SRGAP1: variants seen among roughly 807,000 people sequenced by gnomAD.
The protein encoded by SRGAP1 is SLIT-ROBO Rho GTPase-activating protein 1.
A neutral mutation model predicts 121.9 loss-of-function variants in SRGAP1; 43 were observed. That is an observed-to-expected ratio of 0.35 (90% CI 0.28 to 0.46). SRGAP1 has a LOEUF of 0.46. Ranked by LOEUF, SRGAP1 falls within the 20% of genes least tolerant of loss-of-function variation. The probability of loss-of-function intolerance (pLI) is 1.00; values close to 1 mark genes in which losing one functional copy is unlikely to be tolerated. For synonymous variants in SRGAP1, 447 were observed against 485.4 expected (o/e 0.92, Z 1.04); for missense variants, 1,102 against 1,350.9 (o/e 0.82, Z 2.89).
At chr12:63,856,055 T>G (rs1899237096) in intron 1 of SRGAP1, among the ~76,000 whole-genome samples, 1 of 151,828 alleles carries the variant, frequency 6.6e-6, no homozygotes. Flanking sequence ...GTCAGGAATT[T>G]GAGATCAGCC....
intron 1 of SRGAP1, among the ~76,000 whole-genome samples, chr12:63,944,068 T>C (rs1461308026): frequency 6.6e-6 from 1 of 152,168 alleles, no homozygotes; most frequent in Non-Finnish European, 1.5e-5. Context: ...GTAGCAAGCA[T>C]TTGTCTCATT....
chr12:64,069,985 C>T (rs868543503), intron 8 of SRGAP1, among the ~76,000 whole-genome samples: 21 of 152,320 alleles, frequency 1.4e-4, no homozygotes, highest in African/African-American at 4.8e-4. Context: ...AATCTTCCCA[C>T]CTTGGCCTCC....
Position 63,919,658 on chromosome 12 carries a change from A to T in SRGAP1, c.68-64289A>T, listed in dbSNP as rs557697207. On this transcript the variant is annotated intron_variant, in intron 1 of 21. Coordinates refer to ENST00000355086, the MANE Select transcript of SRGAP1 (RefSeq NM_020762.4). ...ATCTGTGCTCTGCCCCATCCCATAT[A>T]CCTGCCTATCTTTTGAAGCAACTAC... is the stretch of plus-strand genomic sequence containing the variant. Among the ~76,000 whole-genome samples the T allele has an allele frequency of 4.0e-5, 6 of 151,896 alleles. No individual in the cohort carries two copies. In the South Asian group the frequency reaches 1.3e-3, roughly 32 times the overall value.
chr12:64,112,888 G>A (rs747807475), intron 17 of SRGAP1, among the ~76,000 whole-genome samples: 1 of 152,106 alleles, frequency 6.6e-6, no homozygotes, highest in East Asian at 1.9e-4. Flanking sequence ...AGGCTAGGAA[G>A]GGAAGGGGAA....
chr12:63,887,260 C>T (rs2136292653), intron 1 of SRGAP1: 1 of 152,308 alleles, frequency 6.6e-6, no homozygotes, highest in East Asian at 1.9e-4. Flanking sequence ...ATGGGGTTGT[C>T]CAGGGAAAAT....
At chr12:63,963,601 G>A (rs903422314) in intron 1 of SRGAP1, among the ~76,000 whole-genome samples, 4 of 152,096 alleles carry the variant, frequency 2.6e-5, no homozygotes, top group African/African-American at 9.7e-5. Flanking sequence ...ATTGTTAACT[G>A]TAGTCACCTG....
chr12:64,122,382 A>G (rs1183076212), intron 18 of SRGAP1, among the ~76,000 whole-genome samples: 2 of 152,230 alleles, frequency 1.3e-5, no homozygotes, highest in Non-Finnish European at 2.9e-5. Flanking sequence ...TTGCTCTGCA[A>G]TGACCAGACT....
In SRGAP1 at chr12:64,065,297, A is replaced by G. The variant is rs995108093; in HGVS notation, c.1125+78A>G. On this transcript the variant is annotated intron_variant, in intron 8 of 21. Transcript: ENST00000355086. Reference sequence around the variant, plus strand: ...GAAGACATTCTCACATGACTTGGGCATATTTAATATTCAAGATTCAACCTC... The same window carrying G: ...GAAGACATTCTCACATGACTTGGGCGTATTTAATATTCAAGATTCAACCTC... The G allele has an allele frequency of 3.2e-6, 4 of 1,233,318 alleles. No individual in the cohort carries two copies. In the African/African-American group the frequency reaches 4.5e-5, roughly 14 times the overall value. 76.4% of individuals were successfully genotyped at this position (1,233,318 alleles called of 1,614,324 possible).
intron 1 of SRGAP1, among the ~76,000 whole-genome samples, chr12:63,949,243 A>T (rs1373772763): frequency 6.9e-6 from 1 of 145,174 alleles, no homozygotes; most frequent in Non-Finnish European, 1.5e-5. Flanking sequence ...AAATAAGAGA[A>T]TATATCTCTG....
intron 4 of SRGAP1, among the ~76,000 whole-genome samples, chr12:64,030,331 A>G (rs1423216735): frequency 6.6e-6 from 1 of 152,218 alleles, no homozygotes; most frequent in East Asian, 1.9e-4. Context: ...AACAAAACCA[A>G]TAACCCCACC....
chr12:63,993,359 G>A (rs762331200), intron 3 of SRGAP1, among the ~76,000 whole-genome samples: 2 of 152,140 alleles, frequency 1.3e-5, no homozygotes, highest in African/African-American at 2.4e-5. Context: ...TTTAATCACC[G>A]ATCTTCCTCT....
At chr12:63,848,607 C>G (rs560202420) in intron 1 of SRGAP1, among the ~76,000 whole-genome samples, 1 of 151,604 alleles carries the variant, frequency 6.6e-6, no homozygotes, top group Non-Finnish European at 1.5e-5. Context: ...TGCAGTGACA[C>G]GATCTCTGCT....
chr12:64,014,641 C>T (rs2034349953), intron 3 of SRGAP1, among the ~76,000 whole-genome samples: 1 of 113,082 alleles, frequency 8.8e-6, no homozygotes, highest in South Asian at 2.6e-4. Flanking sequence ...AAAAAATCAT[C>T]TTGTCCTAAA....
At chr12:64,014,381 A>G (rs1382120100) in intron 3 of SRGAP1, among the ~76,000 whole-genome samples, 3 of 152,156 alleles carry the variant, frequency 2.0e-5, no homozygotes, top group Non-Finnish European at 4.4e-5. Flanking sequence ...TTATTATCTA[A>G]AGTCTTAGAA....
Position 64,142,755 on chromosome 12 carries a change from C to G in SRGAP1, c.*83C>G, listed in dbSNP as rs2036987314. On this transcript the variant is annotated 3_prime_UTR_variant, in exon 22 of 22. Coordinates refer to ENST00000355086, the MANE Select transcript of SRGAP1 (RefSeq NM_020762.4). ...ACAAAAGTCACTGATCCATAACTTT[C>G]CTTAGTTTTGTGCTTATAACTGGAG... is the stretch of plus-strand genomic sequence containing the variant. 8.6e-6 allele frequency: 13 copies of G among 1,516,356 alleles called. No homozygotes were observed. The highest frequency in any genetic ancestry group is 1.1e-5 in the Non-Finnish European group (13 of 1,131,556). The allele number at this position is 1,516,356 out of a possible 1,614,324, so 93.9% of individuals were successfully genotyped here.
intron 4 of SRGAP1, among the ~76,000 whole-genome samples, chr12:64,028,473 A>G (rs566851733): frequency 1.1e-4 from 16 of 152,218 alleles, no homozygotes; most frequent in South Asian, 2.1e-4. Flanking sequence ...GGCTATAGCT[A>G]TTGTGGGCTG....
At chr12:63,996,943 A>T (rs1245868038) in intron 3 of SRGAP1, among the ~76,000 whole-genome samples, 1 of 152,126 alleles carries the variant, frequency 6.6e-6, no homozygotes, top group Non-Finnish European at 1.5e-5. Context: ...GTATTTATAA[A>T]TTGCTTATCA....
intron 1 of SRGAP1, among the ~76,000 whole-genome samples, chr12:63,971,963 C>G (rs1043198808): frequency 6.6e-6 from 1 of 152,112 alleles, no homozygotes; most frequent in African/African-American, 2.4e-5. Context: ...GTCCAGAGTC[C>G]AGGTAGTCCA....
intron 1 of SRGAP1, among the ~76,000 whole-genome samples, chr12:63,953,131 T>C (rs1449876875): frequency 6.6e-6 from 1 of 152,204 alleles, no homozygotes; most frequent in East Asian, 1.9e-4. Context: ...ACTCCAGAGC[T>C]TGTACCGTTT....
Sources: allele counts gnomAD v4.1 joint callset (sites outside exome capture counted in the v4.1 genomes callset), GRCh38; gene constraint gnomAD v4.1.1; transcripts MANE v1.5; gene names NCBI Gene and HGNC (gene_info 2026-07-23, HGNC 2026-07-21).